The following DZIP3 variants were observed in gnomAD, a reference collection of about 807,000 sequenced individuals.
The protein encoded by DZIP3 is DAZ interacting zinc finger protein 3.
Under a neutral mutation model 162.0 loss-of-function variants are expected in DZIP3, and 118 were observed. That is an observed-to-expected ratio of 0.73 (90% CI 0.63 to 0.85). The LOEUF (loss-of-function observed/expected upper bound fraction) is 0.85. DZIP3 is among the 40% of genes least tolerant of loss of function. The probability of loss-of-function intolerance (pLI) is 0.00; values close to 1 mark genes in which losing one functional copy is unlikely to be tolerated. For missense variants in DZIP3, 1,331 were observed against 1,407.0 expected (o/e 0.95, Z 0.86); for synonymous variants, 438 against 458.6 (o/e 0.96, Z 0.57).
At chr3:108,593,272 A>G (rs1249650994) in intron 1 of DZIP3, among the ~76,000 whole-genome samples, 2 of 152,160 alleles carry the variant, frequency 1.3e-5, no homozygotes, top group Non-Finnish European at 2.9e-5. Context: ...TAACAACCCC[A>G]TGCTGTAGGA....
chr3:108,633,006 G>T lies in DZIP3; in HGVS notation c.750G>T (p.Thr250=), dbSNP rs750609461. The T allele has an allele frequency of 4.7e-6, 7 of 1,502,848 alleles. No individual in the cohort carries two copies. The highest frequency in any genetic ancestry group is 5.4e-6 in the Non-Finnish European group (6 of 1,117,162). The allele number at this position is 1,502,848 out of a possible 1,614,324, so 93.1% of individuals were successfully genotyped here. ...CTGAAAGCAATATAATGAAGCAGAC[G>T]ATTTGTAGTTACCTAGATTGTGAAC... ...KTTESNIMKQ[T]ICSYLDCERS... is the part of the protein sequence containing the mutation. Residue 250 remains threonine, a synonymous_variant, in exon 9 of 33, where the codon ACG becomes ACT. Coordinates refer to ENST00000361582, the MANE Select transcript of DZIP3 (RefSeq NM_014648.4).
At chr3:108,648,302 C>G in intron 16 of DZIP3, 190 bp downstream of exon 16, 1 of 482,270 alleles carries the variant, frequency 2.1e-6, no homozygotes, top group South Asian at 5.4e-5. Flanking sequence ...CCTGCCATAA[C>G]CATTTATTTT....
intron 7 of DZIP3, among the ~76,000 whole-genome samples, chr3:108,628,115 G>T (rs977961293): frequency 6.6e-6 from 1 of 152,126 alleles, no homozygotes; most frequent in Admixed American, 6.5e-5. Flanking sequence ...CTGATCTCGT[G>T]ATCCGCCCAC....
intron 22 of DZIP3, among the ~76,000 whole-genome samples, chr3:108,670,849 T>C (rs1943903086): frequency 6.6e-6 from 1 of 151,958 alleles, no homozygotes; most frequent in Non-Finnish European, 1.5e-5. Flanking sequence ...AGTATATAAA[T>C]GTGGTTTTGA....
intron 1 of DZIP3, among the ~76,000 whole-genome samples, chr3:108,604,537 G>A (rs1006108881): frequency 6.6e-6 from 1 of 152,114 alleles, no homozygotes; most frequent in Non-Finnish European, 1.5e-5. Flanking sequence ...ATATACTTAT[G>A]ATACTCTAGT....
Position 108,675,836 on chromosome 3 carries a change from T to C in DZIP3, c.2744T>C (p.Ile915Thr). Residue 915 changes from isoleucine (I) to threonine (T), a missense_variant, in exon 25 of 33, where the codon ATT becomes ACT. Physicochemically the swap from Ile to Thr is moderately conservative, Grantham distance 89. This residue lies in a region of DZIP3 where 1,278 missense variants were observed against 1,317.1 expected (regional missense o/e 0.97). Coordinates refer to ENST00000361582, the MANE Select transcript of DZIP3 (RefSeq NM_014648.4). Reference protein sequence around the residue: ...LKAAVDSWNAIVADVRNKIAF... With the variant: ...LKAAVDSWNATVADVRNKIAF... ...GCTGCGGTAGACAGTTGGAATGCCA[T>C]TGTGGCAGATGTTAGAAACAAGATT... The C allele has an allele frequency of 2.5e-6, 4 of 1,610,372 alleles. No individual in the cohort carries two copies. Among genetic ancestry groups the C allele is most frequent in the Non-Finnish European group, 1.7e-6 (2 of 1,178,046 alleles).
In DZIP3 at chr3:108,669,664, C is replaced by G. The variant is rs374927085; in HGVS notation, c.2424-17C>G. On this transcript the variant is annotated splice_polypyrimidine_tract_variant and intron_variant, in intron 21 of 32. Transcript: ENST00000361582. The stretch of plus-strand genomic sequence containing the variant: ...ATAATTTCTAACATCTTTTGACTTT[C>G]TTGCTTGTTTGCTTAGATTACAGCG... 9 of 1,608,546 alleles carry G rather than the reference C, an allele frequency of 5.6e-6. No homozygotes were observed. The African/African-American group carries it at 1.1e-4, about 19-fold the overall frequency.
At chr3:108,613,239 A>T (rs748163060) in intron 4 of DZIP3, among the ~76,000 whole-genome samples, 6 of 152,280 alleles carry the variant, frequency 3.9e-5, no homozygotes, top group Non-Finnish European at 7.4e-5. Context: ...GCATGATTCC[A>T]CTAAAATAAT....
In DZIP3 at chr3:108,686,884, T is replaced by C. The variant is rs148200617; in HGVS notation, c.3149+300T>C. On this transcript the variant is annotated intron_variant, in intron 28 of 32. Coordinates refer to ENST00000361582, the MANE Select transcript of DZIP3 (RefSeq NM_014648.4). Reference sequence around the variant, plus strand: ...CTTACCCAATTTTAATGGCACTAACTGCCATTATTATCTTAACCTATCTCC... The same window carrying C: ...CTTACCCAATTTTAATGGCACTAACCGCCATTATTATCTTAACCTATCTCC... Among the ~76,000 whole-genome samples the C allele has an allele frequency of 5.4e-3, 822 of 152,308 alleles. 1 individual carries two copies. The highest frequency in any genetic ancestry group is 0.017 in the Middle Eastern group (5 of 294).
At chr3:108,665,509 TG>T (rs2107319385) in intron 21 of DZIP3, among the ~76,000 whole-genome samples, 1 of 152,148 alleles carries the variant, frequency 6.6e-6, no homozygotes, top group South Asian at 2.1e-4. Context: ...TACTTGTCAC[TG>T]GAATTTCAAA....
rs1422496715 is a variant in DZIP3 at position 108,597,622 on chromosome 3, T to G, written c.-72-7713T>G. Among the ~76,000 whole-genome samples the G allele has an allele frequency of 3.3e-5, 5 of 152,184 alleles. No individual in the cohort carries two copies. In the East Asian group the frequency reaches 5.8e-4, roughly 18 times the overall value. ...TTTCAGAAAATAAATACTATCAGGC[T>G]TATGAAATGAGTGGATATCTATTTC... On this transcript the variant is annotated intron_variant, in intron 1 of 32. Coordinates refer to ENST00000361582, the MANE Select transcript of DZIP3 (RefSeq NM_014648.4).
intron 12 of DZIP3, among the ~76,000 whole-genome samples, chr3:108,640,508 C>T (rs1392395074): frequency 8.8e-5 from 13 of 148,396 alleles, no homozygotes; most frequent in African/African-American, 1.8e-4. Flanking sequence ...TGCAGTGGCA[C>T]GATCTCGGCT....
Position 108,648,978 on chromosome 3 carries a change from A to G in DZIP3, c.2007+16A>G, listed in dbSNP as rs762274578. ...GAATAAAAAGGTAAGAGACTATAAT[A>G]GCATTATAATACTGATTATGAACAC... On this transcript the variant is annotated intron_variant, in intron 17 of 32. Transcript: ENST00000361582. The G allele has an allele frequency of 4.4e-6, 5 of 1,141,216 alleles. No homozygotes were observed. The highest frequency in any genetic ancestry group is 5.8e-6 in the Non-Finnish European group (5 of 856,432). 70.7% of individuals were successfully genotyped at this position (1,141,216 alleles called of 1,614,324 possible).
intron 18 of DZIP3, among the ~76,000 whole-genome samples, chr3:108,652,739 T>C (rs1290259403): frequency 6.6e-6 from 1 of 151,914 alleles, no homozygotes; most frequent in Non-Finnish European, 1.5e-5. Context: ...TACAATATGT[T>C]ATGTTTTATA....
At chr3:108,661,111 T>C (rs1339631555) in intron 19 of DZIP3, among the ~76,000 whole-genome samples, 1 of 152,194 alleles carries the variant, frequency 6.6e-6, no homozygotes, top group Non-Finnish European at 1.5e-5. Context: ...GAGATACCAT[T>C]TGACCCAGCC....
intron 5 of DZIP3, among the ~76,000 whole-genome samples, chr3:108,622,102 A>G (rs1424387357): frequency 6.6e-6 from 1 of 152,124 alleles, no homozygotes; most frequent in Non-Finnish European, 1.5e-5. Context: ...GGAGGTCATT[A>G]TGTGAAGTGA....
chr3:108,672,356 C>T (rs1282240181), intron 22 of DZIP3, among the ~76,000 whole-genome samples: 1 of 151,880 alleles, frequency 6.6e-6, no homozygotes, highest in Non-Finnish European at 1.5e-5. Flanking sequence ...ATAGCCTACA[C>T]CCTGATAAAA....
intron 32 of DZIP3, among the ~76,000 whole-genome samples, chr3:108,691,987 T>A (rs4467464): frequency 0.97 from 147,633 of 152,104 alleles, 71,809 homozygotes; most frequent in East Asian, 1. Context: ...TCAGTTACTC[T>A]TCACGGAACA....
At chr3:108,668,070 A>G (rs1440657569) in intron 21 of DZIP3, among the ~76,000 whole-genome samples, 23 of 152,124 alleles carry the variant, frequency 1.5e-4, no homozygotes, top group Non-Finnish European at 3.1e-4. Flanking sequence ...ATCTTAGAAT[A>G]TGGAGATTAG....
Sources: gnomAD v4.1 joint callset for allele counts (sites outside exome capture counted in the v4.1 genomes callset) on GRCh38, gnomAD v4.1.1 for gene constraint, gnomAD v4.1.1 regional missense constraint, MANE v1.5 for transcripts, NCBI Gene and HGNC (gene_info 2026-07-23, HGNC 2026-07-21) for gene names.